Variants in FKTN observed in about 807,000 individuals in gnomAD.
FKTN encodes ribitol-5-phosphate transferase FKTN.
Under a neutral mutation model 58.6 loss-of-function variants are expected in FKTN, and 47 were observed. The ratio of observed to expected loss-of-function variants is 0.80; its 90% confidence interval spans 0.63 to 1.02. The LOEUF is 1.02. Ranked by LOEUF, FKTN falls within the 50% of genes least tolerant of loss-of-function variation. The probability of loss-of-function intolerance (pLI) is 0.00; values close to 1 mark genes in which losing one functional copy is unlikely to be tolerated. For synonymous variants in FKTN, 178 were observed against 191.9 expected (o/e 0.93, Z 0.60); for missense variants, 516 against 537.3 (o/e 0.96, Z 0.39).
At chr9:105,563,072 A>T (rs549065695) in intron 1 of FKTN, among the ~76,000 whole-genome samples, 1 of 152,274 alleles carries the variant, frequency 6.6e-6, no homozygotes, top group South Asian at 2.1e-4. Flanking sequence ...CTGGGGCTGG[A>T]GGAGGTGTCA....
intron 3 of FKTN, among the ~76,000 whole-genome samples, 194 bp from the exon 4 acceptor site, chr9:105,596,404 G>A (rs1283544102): frequency 2.0e-5 from 3 of 151,996 alleles, no homozygotes; most frequent in East Asian, 1.9e-4. Context: ...CAAATCTATC[G>A]ATGTTTTCCA....
intron 1 of FKTN, among the ~76,000 whole-genome samples, chr9:105,568,820 C>T (rs1840185954): frequency 6.6e-6 from 1 of 152,130 alleles, no homozygotes. Context: ...AGTCATGCTG[C>T]TATAAAGACA....
chr9:105,585,130 T>C (rs1305158133), intron 3 of FKTN, among the ~76,000 whole-genome samples: 2 of 152,116 alleles, frequency 1.3e-5, no homozygotes, highest in African/African-American at 2.4e-5. Flanking sequence ...AAAAAAATGC[T>C]TTATTTAAAA....
chr9:105,632,269 G>A (rs1833551476), intron 10 of FKTN, among the ~76,000 whole-genome samples: 1 of 152,106 alleles, frequency 6.6e-6, no homozygotes, highest in South Asian at 2.1e-4. Flanking sequence ...GGACTGTTGT[G>A]GGGTGGTGGG....
chr9:105,588,568 A>G (rs1214465921), intron 3 of FKTN, among the ~76,000 whole-genome samples: 6 of 152,246 alleles, frequency 3.9e-5, no homozygotes, highest in Non-Finnish European at 5.9e-5. Context: ...AAACATAAAG[A>G]GACATATAAG....
At chr9:105,626,160 A>G (rs768038757) in intron 10 of FKTN, among the ~76,000 whole-genome samples, 1 of 152,140 alleles carries the variant, frequency 6.6e-6, no homozygotes, top group Non-Finnish European at 1.5e-5. Flanking sequence ...GTTGTTTTCA[A>G]TTTGGGGCTA....
intron 5 of FKTN, among the ~76,000 whole-genome samples, chr9:105,602,529 TTTTG>T (rs1828066226): frequency 2.0e-5 from 3 of 152,106 alleles, no homozygotes. Flanking sequence ...CTTCGTTTGT[TTTTG>T]TTTGTTTGTG....
intron 3 of FKTN, among the ~76,000 whole-genome samples, chr9:105,587,030 A>G (rs1487241921): frequency 6.6e-6 from 1 of 152,220 alleles, no homozygotes; most frequent in Non-Finnish European, 1.5e-5. Flanking sequence ...GTGATAAGAT[A>G]TGAAATGAGA....
intron 10 of FKTN, among the ~76,000 whole-genome samples, chr9:105,622,687 A>C (rs1232759970): frequency 6.6e-6 from 1 of 152,026 alleles, no homozygotes; most frequent in Non-Finnish European, 1.5e-5. Context: ...CCCTAAGCCT[A>C]AATGCTTTCT....
rs1363579365 is a variant in FKTN at position 105,639,744 on chromosome 9, C to T, written c.*4480C>T. ...ATTCAGAGACATTACCAGTTTGCCT[C>T]CTTCTCTCAATAGAACTTGTATTTT... is the stretch of plus-strand genomic sequence containing the variant. On this transcript the variant is annotated 3_prime_UTR_variant, in exon 11 of 11. Transcript: ENST00000357998. 9.8e-7 allele frequency: 1 copy of T among 1,017,810 alleles called. No individual in the cohort carries two copies. The highest frequency in any genetic ancestry group is 7.6e-5 in the East Asian group (1 of 13,122). 63.0% of individuals were successfully genotyped at this position (1,017,810 alleles called of 1,614,324 possible). A position where few individuals can be genotyped will look rare whatever the true frequency, so the allele number is the denominator to read the frequency against.
Position 105,637,445 on chromosome 9 carries a change from C to T in FKTN, c.*2181C>T. ...TTCACAGGCTTCAGCTCATGGGTTC[C>T]ACCCTAACTTGGGGAAACAAAAGCC... On this transcript the variant is annotated 3_prime_UTR_variant, in exon 11 of 11. Coordinates refer to ENST00000357998, the MANE Select transcript of FKTN (RefSeq NM_001079802.2). 1.0e-6 allele frequency: 1 copy of T among 985,444 alleles called. No individual in the cohort carries two copies. Among genetic ancestry groups the T allele is most frequent in the South Asian group, 4.7e-5 (1 of 21,280 alleles). 61.0% of individuals were successfully genotyped at this position (985,444 alleles called of 1,614,324 possible). A position where few individuals can be genotyped will look rare whatever the true frequency, so the allele number is the denominator to read the frequency against.
rs1354235244 is a variant in FKTN, at chr9:105,601,368, A to G, written c.369+20A>G. 1 of 1,485,808 alleles carries G rather than the reference A, an allele frequency of 6.7e-7. No homozygotes were observed. The highest frequency in any genetic ancestry group is 2.3e-5 in the East Asian group (1 of 44,216). 92.0% of individuals were successfully genotyped at this position (1,485,808 alleles called of 1,614,324 possible). A position where few individuals can be genotyped will look rare whatever the true frequency, so the allele number is the denominator to read the frequency against. On this transcript the variant is annotated intron_variant, in intron 5 of 10. Coordinates refer to ENST00000357998, the MANE Select transcript of FKTN (RefSeq NM_001079802.2). ...AATGAGGTAAGTGACTTGCTTTCAG[A>G]TAATGGAATGTGTCTCTTTTTACAA...
intron 5 of FKTN, among the ~76,000 whole-genome samples, chr9:105,603,103 A>G (rs1159907151): frequency 6.6e-6 from 1 of 152,184 alleles, no homozygotes; most frequent in Non-Finnish European, 1.5e-5. Context: ...TCTCTTGTTG[A>G]TGGTTATAAG....
At chr9:105,575,940 G>A (rs1358895405) in intron 3 of FKTN, among the ~76,000 whole-genome samples, 3 of 151,946 alleles carry the variant, frequency 2.0e-5, no homozygotes, top group Admixed American at 6.6e-5. Context: ...GTTGTGATTT[G>A]ACTTAGTTTT....
Position 105,635,716 on chromosome 9 carries a change from A to T in FKTN, c.*452A>T, listed in dbSNP as rs888142563. 5.8e-6 allele frequency: 6 copies of T among 1,032,642 alleles called. No individual in the cohort carries two copies. The African/African-American group carries it at 1.0e-4, about 18-fold the overall frequency. The allele number at this position is 1,032,642 out of a possible 1,614,324, so 64.0% of individuals were successfully genotyped here. ...GCATTTAAGCTGGTATGTTAGTGCT[A>T]CTTTTAAGATTGTGGAGTCTGAGTT... On this transcript the variant is annotated 3_prime_UTR_variant, in exon 11 of 11. Transcript: ENST00000357998.
intron 7 of FKTN, among the ~76,000 whole-genome samples, chr9:105,611,053 A>G (rs1046910358): frequency 1.3e-5 from 2 of 151,138 alleles, no homozygotes; most frequent in East Asian, 1.9e-4. Context: ...AGGAATATCT[A>G]GATAACAATA....
At chr9:105,569,283 TATA>T in intron 1 of FKTN, among the ~76,000 whole-genome samples, 1 of 152,222 alleles carries the variant, frequency 6.6e-6, no homozygotes, top group Non-Finnish European at 1.5e-5. Flanking sequence ...GAGCTTAAAA[TATA>T]ATAATAAAAA....
At chr9:105,631,380 T>C (rs1262484261) in intron 10 of FKTN, among the ~76,000 whole-genome samples, 1 of 152,104 alleles carries the variant, frequency 6.6e-6, no homozygotes, top group African/African-American at 2.4e-5. Context: ...AATAAACCAT[T>C]TATGTTTTGT....
chr9:105,583,410 G>A (rs751972306), intron 3 of FKTN, among the ~76,000 whole-genome samples: 4 of 152,218 alleles, frequency 2.6e-5, no homozygotes, highest in South Asian at 4.1e-4. Context: ...TTTAGTGTTC[G>A]TAATATTCAG....
Sources: allele counts gnomAD v4.1 joint callset (sites outside exome capture counted in the v4.1 genomes callset), GRCh38; gene constraint gnomAD v4.1.1; transcripts MANE v1.5; gene names NCBI Gene and HGNC (gene_info 2026-07-23, HGNC 2026-07-21).